ACACA: variants seen among roughly 807,000 people sequenced by gnomAD.
The protein encoded by ACACA is acetyl-CoA carboxylase 1.
ACACA carries 103 observed loss-of-function variants against 296.1 expected under a neutral mutation model. The observed-to-expected ratio is 0.35, with a 90% CI of 0.30 to 0.41. ACACA has a LOEUF of 0.41. ACACA is among the 10% of genes least tolerant of loss of function. The pLI is 1.00. For synonymous variants in ACACA, 953 were observed against 1,038.6 expected (o/e 0.92, Z 1.58); for missense variants, 1,554 against 2,989.7 (o/e 0.52, Z 11.20).
At chr17:37,148,757 T>C (rs2075918288) in intron 45 of ACACA, among the ~76,000 whole-genome samples, 1 of 151,892 alleles carries the variant, frequency 6.6e-6, no homozygotes, top group Non-Finnish European at 1.5e-5. Context: ...TTTTAAGAGA[T>C]GGGGTCTTAC....
chr17:37,151,949 C>T (rs145461263), intron 43 of ACACA, among the ~76,000 whole-genome samples: 7 of 152,134 alleles, frequency 4.6e-5, no homozygotes, highest in African/African-American at 1.4e-4. Flanking sequence ...CGTGAGCCAC[C>T]GCGCCCGGCC....
intron 54 of ACACA, among the ~76,000 whole-genome samples, chr17:37,096,060 TC>T (rs1208385382): frequency 1.3e-5 from 2 of 152,220 alleles, no homozygotes; most frequent in African/African-American, 2.4e-5. Context: ...GGTGGATACT[TC>T]CTTCCATCTC....
chr17:37,151,983 G>A (rs1385006739), intron 43 of ACACA, among the ~76,000 whole-genome samples: 2 of 150,224 alleles, frequency 1.3e-5, no homozygotes, highest in African/African-American at 4.9e-5. Context: ...TTTTAGTAGA[G>A]ACGGGGTTTC....
chr17:37,360,106 G>C (rs570584038), intron 1 of ACACA: 2 of 152,296 alleles, frequency 1.3e-5, no homozygotes, highest in South Asian at 4.1e-4. Context: ...CATGGTAGCT[G>C]TGTGTTGAAA....
chr17:37,307,595 T>G, intron 3 of ACACA, among the ~76,000 whole-genome samples: 1 of 152,092 alleles, frequency 6.6e-6, no homozygotes, highest in East Asian at 1.9e-4. Context: ...TTGTTTTGTT[T>G]TGTTTTGCTT....
intron 3 of ACACA, among the ~76,000 whole-genome samples, chr17:37,287,481 C>A (rs2146653758): frequency 6.6e-6 from 1 of 150,912 alleles, no homozygotes; most frequent in South Asian, 2.1e-4. Context: ...CCTGTAATCC[C>A]AGCACTTTGG....
intron 48 of ACACA, among the ~76,000 whole-genome samples, chr17:37,123,775 G>A (rs2074637464): frequency 6.6e-6 from 1 of 152,130 alleles, no homozygotes; most frequent in Admixed American, 6.5e-5. Flanking sequence ...AAATATTTCT[G>A]TTCACAATGA....
intron 45 of ACACA, among the ~76,000 whole-genome samples, chr17:37,132,890 A>T (rs1597918360): frequency 6.6e-6 from 1 of 152,316 alleles, no homozygotes; most frequent in South Asian, 2.1e-4. Flanking sequence ...AAATAATGGG[A>T]GGCAAACTTG....
chr17:37,347,760 G>A (rs34308874), intron 1 of ACACA, among the ~76,000 whole-genome samples: 46,068 of 142,472 alleles, frequency 0.32, 8,959 homozygotes, highest in African/African-American at 0.57. Flanking sequence ...AAAAAAAAAA[G>A]AAAGAAAGAA....
At chr17:37,185,052 C>A (rs1368386921) in intron 39 of ACACA, among the ~76,000 whole-genome samples, 1 of 152,082 alleles carries the variant, frequency 6.6e-6, no homozygotes, top group Admixed American at 6.5e-5. Context: ...CAGTGGTTGC[C>A]TAAGGCCGGG....
chr17:37,370,927 T>C (rs1261420574), intron 1 of ACACA, among the ~76,000 whole-genome samples: 1 of 149,956 alleles, frequency 6.7e-6, no homozygotes, highest in Non-Finnish European at 1.5e-5. Flanking sequence ...GAGGTTGTAG[T>C]GAACTGAGAT....
chr17:37,287,272 T>G (rs984322383), intron 3 of ACACA, among the ~76,000 whole-genome samples: 6 of 152,180 alleles, frequency 3.9e-5, no homozygotes, highest in Admixed American at 2.0e-4. Context: ...ATATCTAGCT[T>G]TCTGTGCACA....
intron 1 of ACACA, among the ~76,000 whole-genome samples, chr17:37,357,855 T>C (rs1220646781): frequency 6.6e-6 from 1 of 152,018 alleles, no homozygotes. Context: ...GGGACAAATA[T>C]GAGTATTCTT....
intron 11 of ACACA, among the ~76,000 whole-genome samples, chr17:37,261,848 A>G (rs2081527385): frequency 6.6e-6 from 1 of 152,152 alleles, no homozygotes; most frequent in South Asian, 2.1e-4. Context: ...TCCAAATGAG[A>G]GTTATCCTGT....
chr17:37,311,221 G>T (rs953415436), intron 3 of ACACA, among the ~76,000 whole-genome samples: 4 of 152,076 alleles, frequency 2.6e-5, no homozygotes, highest in African/African-American at 9.7e-5. Flanking sequence ...CATAAAATGG[G>T]GCAGAGAGAT....
intron 39 of ACACA, 39 bp from the exon 40 acceptor site, chr17:37,181,395 GA>G: frequency 1.2e-6 from 2 of 1,612,512 alleles, no homozygotes; most frequent in Non-Finnish European, 1.7e-6. Context: ...TTAAGAGACA[GA>G]AAAAAATCAG....
At chr17:37,332,852 G>T (rs1041714855) in intron 2 of ACACA, among the ~76,000 whole-genome samples, 7 of 151,202 alleles carry the variant, frequency 4.6e-5, no homozygotes, top group African/African-American at 1.7e-4. Context: ...GGAGGTTGCA[G>T]TGAGCTGAGA....
chr17:37,323,299 T>C (rs962750282), intron 3 of ACACA, among the ~76,000 whole-genome samples: 1 of 152,246 alleles, frequency 6.6e-6, no homozygotes, highest in Non-Finnish European at 1.5e-5. Context: ...TGTTTCACTA[T>C]AACATGAAGT....
chr17:37,334,923 T>A (rs2048046676), intron 2 of ACACA, among the ~76,000 whole-genome samples: 1 of 152,154 alleles, frequency 6.6e-6, no homozygotes, highest in South Asian at 2.1e-4. Context: ...ACTCTTTGCA[T>A]GCATGCAAAT....
Sources: allele counts gnomAD v4.1 joint callset (sites outside exome capture counted in the v4.1 genomes callset), GRCh38; gene constraint gnomAD v4.1.1; transcripts MANE v1.5; gene names NCBI Gene and HGNC (gene_info 2026-07-23, HGNC 2026-07-21).